ZFYVE27: variants seen among roughly 807,000 people sequenced by gnomAD.
ZFYVE27 encodes protrudin.
ZFYVE27 carries 36 observed loss-of-function variants against 52.8 expected under a neutral mutation model. The ratio of observed to expected loss-of-function variants is 0.68; its 90% CI spans 0.52 to 0.90. The LOEUF (loss-of-function observed/expected upper bound fraction) is 0.90. ZFYVE27 is among the 40% of genes least tolerant of loss of function. The probability of loss-of-function intolerance (pLI) is 0.00; values close to 1 mark genes in which losing one functional copy is unlikely to be tolerated. For synonymous variants in ZFYVE27, 223 were observed against 215.6 expected (o/e 1.03, Z -0.30); for missense variants, 450 against 527.2 (o/e 0.85, Z 1.43).
Position 97,743,098 on chromosome 10 carries a change from CAG to C in ZFYVE27, c.204_205del (p.Gln68HisfsTer21). 1 of 1,614,182 alleles carries C rather than the reference CAG, an allele frequency of 6.2e-7. No individual in the cohort carries two copies. The highest frequency in any genetic ancestry group is 8.5e-7 in the Non-Finnish European group (1 of 1,180,042). ...TCAGGACTCTCTGTATTGTAGGTGG[CAG>C]ATGCCTTTGTGTTCCTTGCTGACCT... The part of the protein sequence containing the change: ...GDGVRYLLRW[Q>X]MPLCSLLTCL... On this transcript the variant is annotated frameshift_variant, in exon 3 of 13. Coordinates refer to ENST00000684270, the MANE Select transcript of ZFYVE27 (RefSeq NM_001385875.1). LOFTEE classifies it high-confidence loss of function.
rs1021309682 is a variant in ZFYVE27, at chr10:97,753,069, A to G, written c.929A>G (p.Glu310Gly). The G allele has an allele frequency of 6.2e-7, 1 of 1,612,062 alleles. No individual in the cohort carries two copies. The highest frequency in any genetic ancestry group is 1.3e-5 in the African/African-American group (1 of 75,002). The stretch of plus-strand genomic sequence containing the variant: ...GATGAGGGCGCCCCGTGCCCAGCAG[A>G]GGATGAGCTGGCCCTGCAGGACAAC... ...EDDEGAPCPAEDELALQDNGF... is the reference protein window; with the variant it reads ...EDDEGAPCPAGDELALQDNGF... Residue 310 changes from glutamate to glycine, a missense_variant, in exon 10 of 13, where the codon GAG becomes GGG. Coordinates refer to ENST00000684270, the MANE Select transcript of ZFYVE27 (RefSeq NM_001385875.1).
At chr10:97,745,148 AGCTG>A (rs1185966571) in intron 4 of ZFYVE27, among the ~76,000 whole-genome samples, 1 of 142,318 alleles carries the variant, frequency 7.0e-6, no homozygotes, top group African/African-American at 3.0e-5. Context: ...ATCTCGATCT[AGCTG>A]TTTGTTTTCA....
intron 2 of ZFYVE27, among the ~76,000 whole-genome samples, chr10:97,739,141 G>C (rs1412265079): frequency 6.6e-6 from 1 of 150,634 alleles, no homozygotes; most frequent in Non-Finnish European, 1.5e-5. Context: ...GTATTGTCCA[G>C]GCTGGAATGC....
intron 3 of ZFYVE27, among the ~76,000 whole-genome samples, chr10:97,744,260 T>C (rs1437186276): frequency 1.3e-5 from 2 of 152,254 alleles, no homozygotes; most frequent in African/African-American, 4.8e-5. Flanking sequence ...TTATCTCGGC[T>C]TCGCCATTTC....
Position 97,759,218 on chromosome 10 carries a change from G to A in ZFYVE27, c.1172-18G>A, listed in dbSNP as rs2049159817. 1.2e-6 allele frequency: 2 copies of A among 1,614,098 alleles called. No individual in the cohort carries two copies. Among genetic ancestry groups the A allele is most frequent in the African/African-American group, 1.3e-5 (1 of 75,040 alleles). On this transcript the variant is annotated intron_variant, in intron 12 of 12. Transcript: ENST00000684270. ...AGGGCGCAAGGAAATGTCTCACCAA[G>A]TTCTTCCTCCTTTTCAGCCCCTGAA...
At chr10:97,748,205 G>A in intron 4 of ZFYVE27, 64 bp from the exon 5 acceptor site, 1 of 1,483,656 alleles carries the variant, frequency 6.7e-7, no homozygotes, top group Non-Finnish European at 9.4e-7. Flanking sequence ...GTACCTGCAA[G>A]GCCCCAGGCT....
In ZFYVE27 at chr10:97,751,381, C is replaced by T. The variant is rs376769069; in HGVS notation, c.805-10C>T. On this transcript the variant is annotated splice_polypyrimidine_tract_variant and intron_variant, in intron 7 of 12. Coordinates refer to ENST00000684270, the MANE Select transcript of ZFYVE27 (RefSeq NM_001385875.1). Reference sequence around the variant, plus strand: ...TCCTTCTCCTTCTGTCATAGAGTCTCTCTTCCCAGGACCTCACACCGGGCA... The same window carrying T: ...TCCTTCTCCTTCTGTCATAGAGTCTTTCTTCCCAGGACCTCACACCGGGCA... The T allele has an allele frequency of 7.4e-6, 12 of 1,613,574 alleles. No homozygotes were observed. The Admixed American group carries it at 1.2e-4, about 16-fold the overall frequency.
intron 4 of ZFYVE27, among the ~76,000 whole-genome samples, chr10:97,746,050 T>TACAC (rs1564815304): frequency 6.3e-5 from 2 of 31,966 alleles, no homozygotes; most frequent in Admixed American, 3.1e-4. Flanking sequence ...TATATATATA[T>TACAC]ATTTTTTTTT....
intron 8 of ZFYVE27, among the ~76,000 whole-genome samples, chr10:97,752,237 ATTTATTTCTCTTTG>A (rs1351801126): frequency 6.6e-6 from 1 of 152,136 alleles, no homozygotes; most frequent in Non-Finnish European, 1.5e-5. Context: ...ATTTCTCTTT[ATTTATTTCTCTTTG>A]TAAAGTGGGA....
At chr10:97,743,657 G>C (rs1170904002) in intron 3 of ZFYVE27, among the ~76,000 whole-genome samples, 1 of 152,210 alleles carries the variant, frequency 6.6e-6, no homozygotes, top group Non-Finnish European at 1.5e-5. Flanking sequence ...GCTGATAAGG[G>C]ATTTTTGCCA....
intron 10 of ZFYVE27, 71 bp downstream of exon 10, chr10:97,753,253 C>G (rs1029901815): frequency 2.3e-5 from 36 of 1,550,446 alleles, no homozygotes; most frequent in Non-Finnish European, 3.1e-5. Flanking sequence ...GTGGGGAACA[C>G]CCAGCCACAG....
At chr10:97,742,715 CT>C (rs1306834113) in intron 2 of ZFYVE27, among the ~76,000 whole-genome samples, 2 of 152,028 alleles carry the variant, frequency 1.3e-5, no homozygotes, top group Non-Finnish European at 2.9e-5. Flanking sequence ...ATTATATATT[CT>C]TATGAAATTA....
rs765596329 is a variant in ZFYVE27, at chr10:97,751,338, T to C, written c.805-53T>C. 10 of 1,597,276 alleles carry C rather than the reference T, an allele frequency of 6.3e-6. No individual in the cohort carries two copies. In the South Asian group the frequency reaches 1.1e-4, roughly 18 times the overall value. On this transcript the variant is annotated intron_variant, in intron 7 of 12. Transcript: ENST00000684270. ...GGCTTGGGGAGGTGGTCCTCTGCCT[T>C]AGGGAGCAGCGCTGCCATCCTTCTC...
chr10:97,750,822 C>T (rs1462457383), intron 7 of ZFYVE27, among the ~76,000 whole-genome samples: 2 of 151,640 alleles, frequency 1.3e-5, no homozygotes, highest in Non-Finnish European at 1.5e-5. Flanking sequence ...CTCACTACAA[C>T]CTCCATCTCC....
chr10:97,748,434 G>T, intron 5 of ZFYVE27, 70 bp downstream of exon 5: 2 of 1,497,120 alleles, frequency 1.3e-6, no homozygotes, highest in Non-Finnish European at 9.2e-7. Flanking sequence ...AAAGCCAGCT[G>T]CCTTGAGAGG....
Position 97,744,800 on chromosome 10 carries a change from C to G in ZFYVE27, c.340C>G (p.Arg114Gly). Reference protein sequence around the residue: ...ALLGYLQEVCRARLPDSELMR... With the variant: ...ALLGYLQEVCGARLPDSELMR... ...GCTGGGCTACCTTCAGGAGGTTTGC[C>G]GGGCACGGCTGCCTGATTCCGAGCT... The change falls in exon 4 of 13, where the codon CGG (arginine) becomes GGG (glycine). Residue 114 changes from arginine (R) to glycine (G), a missense_variant. Arg to Gly is a moderately radical substitution (Grantham distance 125). Coordinates refer to ENST00000684270, the MANE Select transcript of ZFYVE27 (RefSeq NM_001385875.1). The G allele has an allele frequency of 6.2e-7, 1 of 1,614,010 alleles. No individual in the cohort carries two copies. Among genetic ancestry groups the G allele is most frequent in the Non-Finnish European group, 8.5e-7 (1 of 1,180,038 alleles).
Position 97,750,443 on chromosome 10 carries a change from C to T in ZFYVE27, c.777C>T (p.Asp259=), listed in dbSNP as rs776522570. The part of the protein sequence containing the change: ...PDVGGKDGLM[D]STPALTPTED... ...TTGGGGGGAAGGATGGTCTGATGGACAGCACGCCTGCCCTCACACCCACGG... is the reference window on the plus strand; with the variant it reads ...TTGGGGGGAAGGATGGTCTGATGGATAGCACGCCTGCCCTCACACCCACGG... The change falls in exon 7 of 13, where the codon GAC becomes GAT. Residue 259 remains aspartate (D), a synonymous_variant. Coordinates refer to ENST00000684270, the MANE Select transcript of ZFYVE27 (RefSeq NM_001385875.1). 2 of 1,614,158 alleles carry T rather than the reference C, an allele frequency of 1.2e-6. No individual in the cohort carries two copies. The highest frequency in any genetic ancestry group is 1.7e-5 in the Admixed American group (1 of 60,032).
At chr10:97,752,783 T>C in intron 8 of ZFYVE27, 74 bp from the exon 9 acceptor site, 1 of 1,565,412 alleles carries the variant, frequency 6.4e-7, no homozygotes, top group Non-Finnish European at 8.7e-7. Flanking sequence ...TGGGGGCCCC[T>C]CCAGGTAGCT....
At chr10:97,757,166 G>T in intron 10 of ZFYVE27, 99 bp from the exon 11 acceptor site, 1 of 1,549,346 alleles carries the variant, frequency 6.5e-7, no homozygotes, top group Non-Finnish European at 8.9e-7. Context: ...CAAGGAGGCT[G>T]GGCTGGTGTC....
Sources: allele counts gnomAD v4.1 joint callset (sites outside exome capture counted in the v4.1 genomes callset), GRCh38; gene constraint gnomAD v4.1.1; transcripts MANE v1.5; gene names NCBI Gene and HGNC (gene_info 2026-07-23, HGNC 2026-07-21).